Variants in EPHB1 observed in about 807,000 individuals in gnomAD.
EPHB1 encodes EPH receptor B1.
In EPHB1, 30 loss-of-function variants were observed where a neutral mutation model predicts 94.4. The observed-to-expected ratio is 0.32, with a 90% CI of 0.24 to 0.43. The LOEUF is 0.43. Among genes scored for constraint, EPHB1 ranks in the 20% least tolerant of loss-of-function variants. The pLI is 1.00. For synonymous variants in EPHB1, 522 were observed against 489.1 expected, an observed-to-expected ratio of 1.07 and a Z score of -0.89; for missense variants, 1,055 against 1,308.3, an observed-to-expected ratio of 0.81 and a Z score of 2.99.
chr3:135,001,140 T>C (rs1055431138), intron 3 of EPHB1, among the ~76,000 whole-genome samples: 1 of 152,172 alleles, frequency 6.6e-6, no homozygotes, highest in Non-Finnish European at 1.5e-5. Context: ...CTTGCAACTT[T>C]GAAGACTCAC....
chr3:134,807,756 T>G (rs1404171138), intron 1 of EPHB1, among the ~76,000 whole-genome samples: 1 of 151,932 alleles, frequency 6.6e-6, no homozygotes, highest in African/African-American at 2.4e-5. Flanking sequence ...GTGAACAACA[T>G]TAAGGGAACC....
rs56186270 is a variant in EPHB1, at chr3:135,259,107, C to T, written c.2942C>T (p.Thr981Met). The change falls in exon 16 of 16, where the codon ACG becomes ATG. Residue 981 changes from threonine to methionine, a missense_variant. By Grantham distance (81) the Thr-to-Met change is moderately conservative (BLOSUM62 -1). Coordinates refer to ENST00000398015, the MANE Select transcript of EPHB1 (RefSeq NM_004441.5). ...SMRVQISQSP[T>M]AMA ...AGGGTCCAGATAAGTCAGTCACCAACGGCAATGGCATGAGAACTCTTGTTT... is the reference window on the plus strand; with the variant it reads ...AGGGTCCAGATAAGTCAGTCACCAATGGCAATGGCATGAGAACTCTTGTTT... 1.1e-3 allele frequency: 1,813 copies of T among 1,607,970 alleles called. 6 individuals are homozygous for T. The highest frequency in any genetic ancestry group is 2.5e-3 in the South Asian group (222 of 89,252).
chr3:135,190,139 A>G (rs1365660950), intron 10 of EPHB1, among the ~76,000 whole-genome samples: 1 of 152,214 alleles, frequency 6.6e-6, no homozygotes, highest in African/African-American at 2.4e-5. Flanking sequence ...TGATTGGGAC[A>G]TGTTTTCCTT....
chr3:134,877,989 C>T (rs546612245), intron 1 of EPHB1, among the ~76,000 whole-genome samples: 3 of 152,318 alleles, frequency 2.0e-5, no homozygotes, highest in African/African-American at 7.2e-5. Flanking sequence ...GGAGCGGTGG[C>T]TGAGGGAAGG....
At chr3:134,925,134 G>A (rs1240998793) in intron 1 of EPHB1, among the ~76,000 whole-genome samples, 2 of 152,216 alleles carry the variant, frequency 1.3e-5, no homozygotes, top group Non-Finnish European at 2.9e-5. Context: ...GTGGCCAGAG[G>A]AAGGATGGTA....
chr3:135,163,689 T>C (rs1011396303), intron 7 of EPHB1, among the ~76,000 whole-genome samples: 1 of 152,238 alleles, frequency 6.6e-6, no homozygotes, highest in African/African-American at 2.4e-5. Flanking sequence ...GCAATTCTGC[T>C]AGACAAATCA....
intron 12 of EPHB1, among the ~76,000 whole-genome samples, chr3:135,212,131 G>A (rs892035645): frequency 3.3e-5 from 5 of 151,854 alleles, no homozygotes; most frequent in Admixed American, 6.6e-5. Flanking sequence ...TCTAATAATT[G>A]TATGTTTTAG....
At chr3:134,799,420 A>C (rs1187906580) in intron 1 of EPHB1, among the ~76,000 whole-genome samples, 7 of 152,246 alleles carry the variant, frequency 4.6e-5, no homozygotes, top group Non-Finnish European at 7.3e-5. Flanking sequence ...AGAAAATTCC[A>C]TGTATTAGCT....
intron 2 of EPHB1, among the ~76,000 whole-genome samples, chr3:134,949,844 C>G (rs1932948820): frequency 6.6e-6 from 1 of 152,140 alleles, no homozygotes; most frequent in African/African-American, 2.4e-5. Flanking sequence ...TCTTCCTTAA[C>G]TCCTTTTCTC....
intron 2 of EPHB1, among the ~76,000 whole-genome samples, chr3:134,948,201 C>T (rs1158841978): frequency 1.3e-5 from 2 of 152,010 alleles, no homozygotes; most frequent in Non-Finnish European, 2.9e-5. Context: ...CTGGCTGTGA[C>T]CAGACCCCCA....
intron 4 of EPHB1, among the ~76,000 whole-genome samples, chr3:135,110,961 C>A (rs1187018829): frequency 6.6e-6 from 1 of 152,164 alleles, no homozygotes; most frequent in African/African-American, 2.4e-5. Context: ...AGACCCTGAT[C>A]TTCCCAGGGA....
chr3:135,106,546 A>C lies in EPHB1; in HGVS notation c.904A>C (p.Thr302Pro). The change falls in exon 4 of 16, where the codon ACC (threonine) becomes CCC (proline). Residue 302 changes from threonine to proline, a missense_variant. Transcript: ENST00000398015. ...RSPAEASPIC[T>P]CRTGYYRADF... ...CCCTGCAGAGGCGTCTCCCATCTGC[A>C]CCTGTCGGACCGGTTATTACCGAGC... 6.2e-7 allele frequency: 1 copy of C among 1,613,984 alleles called. No homozygotes were observed.
chr3:134,983,380 C>T (rs947777178), intron 3 of EPHB1, among the ~76,000 whole-genome samples: 1 of 152,274 alleles, frequency 6.6e-6, no homozygotes, highest in African/African-American at 2.4e-5. Context: ...GAGCACAGTT[C>T]TGCATGTGTG....
chr3:135,230,768 G>A (rs1414459050), intron 12 of EPHB1, among the ~76,000 whole-genome samples: 1 of 152,000 alleles, frequency 6.6e-6, no homozygotes, highest in Non-Finnish European at 1.5e-5. Flanking sequence ...CCATATTTAT[G>A]TCTATGTGTG....
intron 4 of EPHB1, among the ~76,000 whole-genome samples, chr3:135,118,211 G>A (rs1939791810): frequency 6.6e-6 from 1 of 152,178 alleles, no homozygotes; most frequent in Admixed American, 6.5e-5. Context: ...GCACAGGTCA[G>A]GTTGTGAAGC....
At chr3:135,243,091 A>G (rs926394723) in intron 13 of EPHB1, among the ~76,000 whole-genome samples, 6 of 71,540 alleles carry the variant, frequency 8.4e-5, no homozygotes, top group South Asian at 5.9e-4. Flanking sequence ...AAAAAAAAAA[A>G]AAAGAAAAGA....
chr3:134,986,737 C>CACACACACAT (rs1167000173), intron 3 of EPHB1, among the ~76,000 whole-genome samples: 2 of 152,026 alleles, frequency 1.3e-5, no homozygotes, highest in Admixed American at 6.6e-5. Context: ...CACACACACA[C>CACACACACAT]ACACACATCC....
At chr3:135,162,313 T>G in intron 7 of EPHB1, 133 bp downstream of exon 7, 5 of 1,062,658 alleles carry the variant, frequency 4.7e-6, no homozygotes, top group Non-Finnish European at 6.5e-6. Context: ...TCAAACGGTT[T>G]GCCTCCCAGT....
At chr3:135,188,687 C>T (rs1047965386) in intron 10 of EPHB1, among the ~76,000 whole-genome samples, 1 of 152,184 alleles carries the variant, frequency 6.6e-6, no homozygotes, top group Non-Finnish European at 1.5e-5. Context: ...CATCCAATGT[C>T]TCAGGTGTTG....
Sources: gnomAD v4.1 joint callset for allele counts (sites outside exome capture counted in the v4.1 genomes callset) on GRCh38, gnomAD v4.1.1 for gene constraint, MANE v1.5 for transcripts, NCBI Gene and HGNC (gene_info 2026-07-23, HGNC 2026-07-21) for gene names.